The following ZNF324B variants were observed in gnomAD, a reference collection of about 807,000 sequenced individuals.
ZNF324B encodes zinc finger protein 324B.
ZNF324B carries 7 observed loss-of-function variants against 10.6 expected under a neutral mutation model. The ratio of observed to expected loss-of-function variants is 0.66; its 90% confidence interval spans 0.38 to 1.24. The LOEUF is 1.24. Among genes scored for constraint, ZNF324B ranks in the 50% most tolerant of loss-of-function variants. The pLI is 0.02. For synonymous variants in ZNF324B, 316 were observed against 321.0 expected, an observed-to-expected ratio of 0.98 and a Z score of 0.17; for missense variants, 640 against 764.7, an observed-to-expected ratio of 0.84 and a Z score of 1.92.
chr19:58,454,128 C>A, intron 2 of ZNF324B, 100 bp from the exon 3 acceptor site: 1 of 803,942 alleles, frequency 1.2e-6, no homozygotes, highest in Non-Finnish European at 2.1e-6. Context: ...CCCAGTTGCA[C>A]AGATTACTGT....
chr19:58,434,196 A>C, the ZNF324B span: 1 of 1,614,132 alleles, frequency 6.2e-7, no homozygotes, highest in Non-Finnish European at 8.5e-7. Context: ...GAATGAGAGC[A>C]GAGCTTCGGC....
chr19:58,443,371 C>T, the ZNF324B span: 1 of 152,266 alleles, frequency 6.6e-6, no homozygotes, highest in African/African-American at 2.4e-5. Context: ...ACCCAGAAGC[C>T]CAGCCGGCTT....
At position 58,456,695 on chromosome 19, in the gene ZNF324B, G is replaced by C. The variant is rs2052926580; in HGVS notation, c.*116G>C. On this transcript the variant is annotated 3_prime_UTR_variant, in exon 4 of 4. Transcript: ENST00000336614. This position sits in a 1 kb window ranked among gnomAD's most constrained non-coding sequence, Gnocchi z 4.7. ...GAAAAGCTCTGTGCCTGAGAGTCAGGGACGAGGGAGACCCTTTGGCTGTGG... is the reference window on the plus strand; with the variant it reads ...GAAAAGCTCTGTGCCTGAGAGTCAGCGACGAGGGAGACCCTTTGGCTGTGG... The C allele has an allele frequency of 7.7e-7, 1 of 1,303,064 alleles. No homozygotes were observed. The highest frequency in any genetic ancestry group is 1.5e-5 in the South Asian group (1 of 67,500). 80.7% of individuals were successfully genotyped at this position (1,303,064 alleles called of 1,614,324 possible).
the ZNF324B span, chr19:58,439,940 C>G: frequency 9.4e-7 from 1 of 1,058,880 alleles, no homozygotes; most frequent in Non-Finnish European, 1.4e-6. Flanking sequence ...CTCTGGGCAC[C>G]GCAGGGACGA....
the ZNF324B span, chr19:58,445,723 G>A: frequency 1.1e-4 from 35 of 326,450 alleles, no homozygotes; most frequent in African/African-American, 7.7e-4. Flanking sequence ...GCTGAGGCAG[G>A]AGAATTGCTT....
At chr19:58,445,348 C>A in the ZNF324B span, 1 of 505,770 alleles carries the variant, frequency 2.0e-6, no homozygotes, top group Non-Finnish European at 3.9e-6. Context: ...GCAGCTCCTG[C>A]CTTGATGTGC....
chr19:58,437,210 A>T, the ZNF324B span: 1 of 1,592,012 alleles, frequency 6.3e-7, no homozygotes, highest in South Asian at 1.1e-5. Context: ...AGGGCCAAGA[A>T]GTATGCTGAC....
chr19:58,435,133 G>A, the ZNF324B span: 1 of 1,614,180 alleles, frequency 6.2e-7, no homozygotes, highest in Non-Finnish European at 8.5e-7. Flanking sequence ...ATCTGCATTA[G>A]GGATCCTGAC....
chr19:58,427,349 C>CTTTCTTTCTTTCTTTCCTT, the ZNF324B span, among the ~76,000 whole-genome samples: 8 of 56,010 alleles, frequency 1.4e-4, no homozygotes, highest in Admixed American at 6.5e-4. Context: ...CTTTCTCTTT[C>CTTTCTTTCTTTCTTTCCTT]CTTTCTTTCT....
chr19:58,434,006 C>T, the ZNF324B span: 26 of 1,614,058 alleles, frequency 1.6e-5, no homozygotes, highest in Non-Finnish European at 2.2e-5. Flanking sequence ...CCAGTGTGAA[C>T]TTTCTGATGT....
At chr19:58,439,954 C>CTGGG in the ZNF324B span, 1 of 913,616 alleles carries the variant, frequency 1.1e-6, no homozygotes, top group Non-Finnish European at 1.6e-6. Flanking sequence ...GGGACGAAGG[C>CTGGG]TGGGTATGGA....
chr19:58,435,107 C>T, the ZNF324B span: 2 of 1,614,210 alleles, frequency 1.2e-6, no homozygotes, highest in Non-Finnish European at 1.7e-6. Context: ...CAGGAGTTAG[C>T]TTTCTTGGTG....
At chr19:58,436,049 A>T in the ZNF324B span, among the ~76,000 whole-genome samples, 4 of 152,262 alleles carry the variant, frequency 2.6e-5, no homozygotes, top group African/African-American at 9.6e-5. Flanking sequence ...TACAACATTG[A>T]TGAACTTCAA....
upstream of ZNF324B, among the ~76,000 whole-genome samples, chr19:58,451,315 C>T (rs2052853821): frequency 6.6e-6 from 1 of 152,228 alleles, no homozygotes; most frequent in Admixed American, 6.5e-5. Context: ...TGCTTTCACA[C>T]CTGCAGGGTT....
chr19:58,440,052 G>A, the ZNF324B span: 1 of 536,886 alleles, frequency 1.9e-6, no homozygotes, highest in African/African-American at 2.0e-5. Flanking sequence ...TATGGTGCGT[G>A]TGAAGGCGCG....
chr19:58,449,983 C>A (rs77544222), upstream of ZNF324B, among the ~76,000 whole-genome samples: 3 of 152,136 alleles, frequency 2.0e-5, no homozygotes, highest in Non-Finnish European at 4.4e-5. Context: ...TGTCCCCAAC[C>A]AAATCTCATT....
chr19:58,434,142 A>C, the ZNF324B span: 1 of 1,613,876 alleles, frequency 6.2e-7, no homozygotes, highest in South Asian at 1.1e-5. Context: ...TTCCACATTC[A>C]CTGCATTCAT....
upstream of ZNF324B, chr19:58,451,610 G>C (rs1461344939): frequency 9.7e-6 from 5 of 517,026 alleles, no homozygotes; most frequent in Admixed American, 1.9e-5. Context: ...CTGGACTTCC[G>C]GCGTTGGGAC....
chr19:58,419,126 C>T, the ZNF324B span: 4 of 152,198 alleles, frequency 2.6e-5, no homozygotes, highest in African/African-American at 4.8e-5. Context: ...AGACTTGTAG[C>T]CTGGATGTCA....
Sources: allele counts gnomAD v4.1 joint callset (sites outside exome capture counted in the v4.1 genomes callset), GRCh38; gene constraint gnomAD v4.1.1; non-coding constraint Gnocchi (gnomAD v3.1); transcripts MANE v1.5; gene names NCBI Gene and HGNC (gene_info 2026-07-23, HGNC 2026-07-21).